Variants in NCAM2 observed in about 807,000 individuals in gnomAD.
The protein encoded by NCAM2 is neural cell adhesion molecule 2, also known as N-CAM-2.
NCAM2 carries 30 observed loss-of-function variants against 98.1 expected under a neutral mutation model. The observed-to-expected ratio is 0.31, with a 90% CI of 0.23 to 0.41. The LOEUF is 0.41. Ranked by LOEUF, NCAM2 falls within the 10% of genes least tolerant of loss-of-function variation. The pLI is 1.00. For synonymous variants in NCAM2, 368 were observed against 342.4 expected, an observed-to-expected ratio of 1.07 and a Z score of -0.83; for missense variants, 867 against 1,005.8, an observed-to-expected ratio of 0.86 and a Z score of 1.87.
At chr21:21,307,217 T>C (rs757106438) in intron 5 of NCAM2, among the ~76,000 whole-genome samples, 4 of 152,144 alleles carry the variant, frequency 2.6e-5, no homozygotes, top group Admixed American at 6.6e-5. Flanking sequence ...TGTTTCTTCA[T>C]TTTTGAATAT....
At position 21,522,390 on chromosome 21, in the gene NCAM2, A is replaced by C. The variant is rs546138591; in HGVS notation, c.2283-12147A>C. ...ACGCCCTTACTGATGGAGGAAAAAT[A>C]AGTTTTACATCTGATTTTTCTGCAG... On this transcript the variant is annotated intron_variant, in intron 16 of 17. Transcript: ENST00000400546. Among the ~76,000 whole-genome samples, 31 of 150,734 alleles carry C rather than the reference A, an allele frequency of 2.1e-4. No individual in the cohort carries two copies. The South Asian group carries it at 2.5e-3, about 12-fold the overall frequency.
chr21:21,132,367 T>A (rs1277689655), intron 1 of NCAM2, among the ~76,000 whole-genome samples: 5 of 149,432 alleles, frequency 3.3e-5, no homozygotes, highest in African/African-American at 4.9e-5. Context: ...CATCTCAAGA[T>A]CCTGTACTTA....
intron 1 of NCAM2, among the ~76,000 whole-genome samples, chr21:21,130,732 CA>C (rs1317628039): frequency 7.2e-5 from 2 of 27,944 alleles, no homozygotes; most frequent in Non-Finnish European, 1.7e-4. Context: ...TGTAAATTAC[CA>C]ATTTTTTTTT....
intron 5 of NCAM2, among the ~76,000 whole-genome samples, chr21:21,316,761 C>A (rs1040673993): frequency 6.6e-6 from 1 of 152,022 alleles, no homozygotes; most frequent in African/African-American, 2.4e-5. Flanking sequence ...CCAGGCTGGT[C>A]TCAAACTCCT....
intron 1 of NCAM2, among the ~76,000 whole-genome samples, chr21:21,152,621 G>A (rs982418588): frequency 6.6e-6 from 1 of 151,940 alleles, no homozygotes; most frequent in African/African-American, 2.4e-5. Context: ...TACTCTAGAA[G>A]TAGCTTAGTT....
chr21:21,003,711 A>T (rs200821471), intron 1 of NCAM2, among the ~76,000 whole-genome samples: 25 of 152,302 alleles, frequency 1.6e-4, no homozygotes, highest in African/African-American at 6.0e-4. Context: ...TTAGAAAAAA[A>T]TATCAAGGGG....
intron 1 of NCAM2, among the ~76,000 whole-genome samples, chr21:21,267,869 T>C (rs913040757): frequency 6.6e-6 from 1 of 152,176 alleles, no homozygotes; most frequent in Non-Finnish European, 1.5e-5. Flanking sequence ...GTTTGTTTCT[T>C]GCAGTTTATA....
At chr21:21,363,444 A>G (rs1447879446) in intron 8 of NCAM2, among the ~76,000 whole-genome samples, 3 of 152,144 alleles carry the variant, frequency 2.0e-5, no homozygotes, top group Non-Finnish European at 2.9e-5. Context: ...CACTTTTCAT[A>G]CCTGCATATC....
rs767692186 is a variant in NCAM2, at chr21:21,486,032, G to A, written c.2077+8561G>A. 1.1e-4 allele frequency among the ~76,000 whole-genome samples: 16 copies of A among 151,944 alleles called. 1 individual carries two copies. Among genetic ancestry groups the A allele is most frequent in the Non-Finnish European group, 1.6e-4 (11 of 67,968 alleles). On this transcript the variant is annotated intron_variant, in intron 15 of 17. Coordinates refer to ENST00000400546, the MANE Select transcript of NCAM2 (RefSeq NM_004540.5). ...AACACACTTCTGGCCGGCTGGGCGC[G>A]GTGGCTCACGCCTGTAATCCTAGCA...
intron 5 of NCAM2, among the ~76,000 whole-genome samples, chr21:21,322,344 T>C (rs1471376720): frequency 1.3e-5 from 2 of 151,906 alleles, no homozygotes; most frequent in African/African-American, 2.4e-5. Context: ...AAACTACCTA[T>C]TGGGTATCAT....
At chr21:21,087,414 G>T (rs1023142217) in intron 1 of NCAM2, among the ~76,000 whole-genome samples, 2 of 152,016 alleles carry the variant, frequency 1.3e-5, no homozygotes, top group African/African-American at 4.8e-5. Flanking sequence ...ATCTACTGTC[G>T]CTGCTCCCCT....
chr21:21,338,303 G>C, intron 7 of NCAM2, 86 bp from the exon 8 acceptor site: 1 of 1,253,676 alleles, frequency 8.0e-7, no homozygotes, highest in Non-Finnish European at 1.1e-6. Context: ...CTATACTATA[G>C]TAGACTTAAA....
At chr21:21,324,573 T>A (rs1261611392) in intron 6 of NCAM2, 73 bp downstream of exon 6, 2 of 1,044,618 alleles carry the variant, frequency 1.9e-6, no homozygotes, top group East Asian at 2.4e-5. Context: ...GGGATCTTAA[T>A]CATTTTGGTA....
chr21:21,068,627 T>A (rs771063006), intron 1 of NCAM2, among the ~76,000 whole-genome samples: 2 of 151,930 alleles, frequency 1.3e-5, no homozygotes, highest in Non-Finnish European at 2.9e-5. Context: ...GCCTGGCTAA[T>A]TTTTGTATTT....
Position 21,338,531 on chromosome 21 carries a change from T to A in NCAM2, c.1041T>A (p.Asp347Glu). Reference protein sequence around the residue: ...AVDGFTFTEGDKSLDGRIEVK... With the variant: ...AVDGFTFTEGEKSLDGRIEVK... Reference sequence around the variant, plus strand: ...ATGGCTTCACGTTCACTGAAGGCGATAAGGTAACCACATCTCAATATGTAA... The same window carrying A: ...ATGGCTTCACGTTCACTGAAGGCGAAAAGGTAACCACATCTCAATATGTAA... Residue 347 changes from aspartate to glutamate, a missense_variant, in exon 8 of 18, where the codon GAT becomes GAA. By Grantham distance (45) the Asp-to-Glu change is conservative. Transcript: ENST00000400546. 6.2e-7 allele frequency: 1 copy of A among 1,606,232 alleles called. No homozygotes were observed. Among genetic ancestry groups the A allele is most frequent in the Non-Finnish European group, 8.5e-7 (1 of 1,176,860 alleles).
Position 21,253,606 on chromosome 21 carries a change from C to T in NCAM2, c.56-26972C>T, listed in dbSNP as rs2071553065. ...AATACCTGAATCTTTGACTTGCCAG[C>T]CTTCAAAATAGTAAGAAATAAATGT... On this transcript the variant is annotated intron_variant, in intron 1 of 17. Coordinates refer to ENST00000400546, the MANE Select transcript of NCAM2 (RefSeq NM_004540.5). 2.6e-5 allele frequency among the ~76,000 whole-genome samples: 4 copies of T among 152,178 alleles called. No homozygotes were observed. In the South Asian group the frequency reaches 8.3e-4, roughly 32 times the overall value.
At chr21:21,216,140 T>G (rs139529802) in intron 1 of NCAM2, among the ~76,000 whole-genome samples, 1 of 152,154 alleles carries the variant, frequency 6.6e-6, no homozygotes, top group Admixed American at 6.5e-5. Context: ...AAATAACTAG[T>G]GGCTTTTGAC....
chr21:21,070,148 T>C (rs1029457694), intron 1 of NCAM2, among the ~76,000 whole-genome samples: 18 of 151,942 alleles, frequency 1.2e-4, no homozygotes, highest in African/African-American at 3.9e-4. Context: ...GAGAAACTTA[T>C]AAAGATCAAG....
chr21:21,452,719 C>A lies in NCAM2; in HGVS notation c.1655-13887C>A, dbSNP rs868436070. Among the ~76,000 whole-genome samples, 870 of 103,366 alleles carry A rather than the reference C, an allele frequency of 8.4e-3. 6 individuals are homozygous for A. Among genetic ancestry groups the A allele is most frequent in the Non-Finnish European group, 0.013 (740 of 57,258 alleles). The allele number at this position is 103,366 out of a possible 152,430, so 67.8% of individuals were successfully genotyped here. ...CATTTTAAAAATATAATATATATTA[C>A]TTTATATATTATATAATATATATAA... On this transcript the variant is annotated intron_variant, in intron 12 of 17. Transcript: ENST00000400546.
Sources: gnomAD v4.1 joint callset for allele counts (sites outside exome capture counted in the v4.1 genomes callset) on GRCh38, gnomAD v4.1.1 for gene constraint, MANE v1.5 for transcripts, NCBI Gene and HGNC (gene_info 2026-07-23, HGNC 2026-07-21) for gene names.